Variants in AVEN observed in about 807,000 individuals in gnomAD.
The protein encoded by AVEN is apoptosis and caspase activation inhibitor.
In AVEN, 41 loss-of-function variants were observed where a neutral mutation model predicts 38.1. The ratio of observed to expected loss-of-function variants is 1.08; its 90% CI spans 0.84 to 1.40. AVEN has a LOEUF of 1.40. Among genes scored for constraint, AVEN ranks in the 40% most tolerant of loss-of-function variants. The pLI is 0.00. For missense variants in AVEN, 605 were observed against 438.8 expected, an observed-to-expected ratio of 1.38 and a Z score of -3.38; for synonymous variants, 206 against 171.8, an observed-to-expected ratio of 1.20 and a Z score of -1.56.
rs113614695 is a variant in AVEN at position 33,917,792 on chromosome 15, G to A, written c.446-41797C>T. ...TAAGTGGGAGCTAAGTTATGAGGATGCAAAGGCAGACTCAGGGGTAAGTGT... is the reference window on the plus strand; with the variant it reads ...TAAGTGGGAGCTAAGTTATGAGGATACAAAGGCAGACTCAGGGGTAAGTGT... On this transcript the variant is annotated intron_variant, in intron 2 of 5. Coordinates refer to ENST00000306730, the MANE Select transcript of AVEN (RefSeq NM_020371.3). Among the ~76,000 whole-genome samples, 572 of 152,222 alleles carry A rather than the reference G, an allele frequency of 3.8e-3. 8 individuals are homozygous for A. The highest frequency in any genetic ancestry group is 0.028 in the South Asian group (137 of 4,824).
chr15:33,962,765 G>C (rs890366228), intron 2 of AVEN, among the ~76,000 whole-genome samples: 1 of 151,778 alleles, frequency 6.6e-6, no homozygotes, highest in African/African-American at 2.4e-5. Context: ...CCACTAAAAT[G>C]TGTATGTAGC....
At chr15:33,932,834 C>CAAATAAATAAAT (rs368767063) in intron 2 of AVEN, among the ~76,000 whole-genome samples, 62,325 of 138,690 alleles carry the variant, frequency 0.45, 14,947 homozygotes, top group East Asian at 0.59. Context: ...ACAAAATAAA[C>CAAATAAATAAAT]AAACAAATAA....
rs544073406 is a variant in AVEN, at chr15:33,915,753, G to A, written c.446-39758C>T. ...GGGAGGCCTGAAACCTGAAAGCCCTGTTTGGTTTCTCAGCCAAGAGGCTGG... is the reference window on the plus strand; with the variant it reads ...GGGAGGCCTGAAACCTGAAAGCCCTATTTGGTTTCTCAGCCAAGAGGCTGG... On this transcript the variant is annotated intron_variant, in intron 2 of 5. Transcript: ENST00000306730. 1.7e-3 allele frequency among the ~76,000 whole-genome samples: 260 copies of A among 152,328 alleles called. 1 individual carries two copies. The highest frequency in any genetic ancestry group is 2.9e-3 in the Non-Finnish European group (198 of 68,030).
upstream of AVEN, among the ~76,000 whole-genome samples, chr15:34,043,311 A>T (rs185168184): frequency 9.2e-5 from 14 of 152,020 alleles, no homozygotes; most frequent in Non-Finnish European, 1.5e-5. Flanking sequence ...AGATGTTATG[A>T]TAGGACTTAG....
At chr15:34,032,823 A>C (rs1319763829) in intron 1 of AVEN, among the ~76,000 whole-genome samples, 2 of 152,168 alleles carry the variant, frequency 1.3e-5, no homozygotes, top group Non-Finnish European at 2.9e-5. Context: ...TTAAATATAG[A>C]TGTTGAGGAT....
intron 2 of AVEN, among the ~76,000 whole-genome samples, chr15:33,948,027 T>C (rs1387303450): frequency 6.6e-6 from 1 of 152,162 alleles, no homozygotes; most frequent in Non-Finnish European, 1.5e-5. Flanking sequence ...TAGATCTTCA[T>C]CTGAGACCAC....
intron 2 of AVEN, among the ~76,000 whole-genome samples, chr15:33,961,489 C>G (rs941427171): frequency 6.6e-6 from 1 of 152,054 alleles, no homozygotes; most frequent in Non-Finnish European, 1.5e-5. Flanking sequence ...GAATGCCAAC[C>G]TCTGAGATGC....
chr15:33,853,589 A>T, the AVEN span: 1 of 1,614,018 alleles, frequency 6.2e-7, no homozygotes, highest in Non-Finnish European at 8.5e-7. Context: ...TACGGAGCAG[A>T]ACGCATTGCT....
At chr15:33,932,773 C>T (rs976730634) in intron 2 of AVEN, among the ~76,000 whole-genome samples, 12 of 151,706 alleles carry the variant, frequency 7.9e-5, no homozygotes, top group Admixed American at 2.0e-4. Flanking sequence ...TGCAGTGAGC[C>T]GAGATCGTGC....
chr15:34,035,798 G>GT (rs933174144), intron 1 of AVEN, among the ~76,000 whole-genome samples: 3 of 48,562 alleles, frequency 6.2e-5, no homozygotes, highest in African/African-American at 9.9e-5. Context: ...CATTTAGTTA[G>GT]TAAGTTAGTT....
chr15:33,859,472 T>G, intron 11 of AVEN: 1 of 1,348,184 alleles, frequency 7.4e-7, no homozygotes, highest in Non-Finnish European at 1.0e-6. Flanking sequence ...CTCTCGTGGC[T>G]TAGGGCTGCC....
chr15:33,877,085 CAAAG>C (rs1440546850), intron 2 of AVEN, among the ~76,000 whole-genome samples: 2 of 152,074 alleles, frequency 1.3e-5, no homozygotes, highest in African/African-American at 4.8e-5. Flanking sequence ...CATTACTAAG[CAAAG>C]AAAGAACTTT....
intron 2 of AVEN, among the ~76,000 whole-genome samples, chr15:33,878,390 A>G (rs1840226782): frequency 6.6e-6 from 1 of 152,224 alleles, no homozygotes; most frequent in Non-Finnish European, 1.5e-5. Flanking sequence ...TAAGAGCGGC[A>G]GATGATATCT....
chr15:33,948,283 G>C lies in AVEN; in HGVS notation c.445+54749C>G, dbSNP rs1229748000. Reference sequence around the variant, plus strand: ...AGCTGATTTTTGTATTTTTAGTAGAGACGGGGTTTCACTATCTTGGCCAGG... The same window carrying C: ...AGCTGATTTTTGTATTTTTAGTAGACACGGGGTTTCACTATCTTGGCCAGG... On this transcript the variant is annotated intron_variant, in intron 2 of 5. Coordinates refer to ENST00000306730, the MANE Select transcript of AVEN (RefSeq NM_020371.3). Among the ~76,000 whole-genome samples the C allele has an allele frequency of 4.0e-5, 6 of 151,028 alleles. No homozygotes were observed. The East Asian group carries it at 1.2e-3, about 29-fold the overall frequency.
intron 2 of AVEN, among the ~76,000 whole-genome samples, chr15:33,918,924 G>GT (rs34781502): frequency 0.035 from 4,950 of 139,880 alleles, 165 homozygotes; most frequent in African/African-American, 0.074. Context: ...CTGCTTTTCT[G>GT]TTTTTTTTTT....
chr15:33,894,450 A>T (rs751760502), intron 2 of AVEN, among the ~76,000 whole-genome samples: 5 of 151,064 alleles, frequency 3.3e-5, no homozygotes, highest in Non-Finnish European at 7.4e-5. Context: ...TAATACTAAA[A>T]ATGTAACTAA....
At chr15:33,974,875 G>A (rs1198013600) in intron 2 of AVEN, among the ~76,000 whole-genome samples, 1 of 152,138 alleles carries the variant, frequency 6.6e-6, no homozygotes, top group Non-Finnish European at 1.5e-5. Context: ...TGGAGGCTGG[G>A]GCCGGAGAAT....
At position 33,866,311 on chromosome 15, in the gene AVEN, C is replaced by CTGTAAACACTGGCTATGT. The variant is rs1388507600; in HGVS notation, c.*284_*301dup. 3 of 380,904 alleles carry CTGTAAACACTGGCTATGT rather than the reference C, an allele frequency of 7.9e-6. No homozygotes were observed. Among genetic ancestry groups the CTGTAAACACTGGCTATGT allele is most frequent in the South Asian group, 5.0e-5 (1 of 20,194 alleles). 23.6% of individuals were successfully genotyped at this position (380,904 alleles called of 1,614,324 possible). A position where few individuals can be genotyped will look rare whatever the true frequency, so the allele number is the denominator to read the frequency against. ...TTAATCAGCAGCAGCATCTGCTATG[C>CTGTAAACACTGGCTATGT]TGTAAACACTGGCTATGTTGTAAAC... On this transcript the variant is annotated 3_prime_UTR_variant, in exon 6 of 6. Transcript: ENST00000306730.
Position 33,878,387 on chromosome 15 carries a change from G to A in AVEN, c.446-2392C>T, listed in dbSNP as rs116124432. On this transcript the variant is annotated intron_variant, in intron 2 of 5. Transcript: ENST00000306730. The stretch of plus-strand genomic sequence containing the variant: ...ATGGAAACTTAGATATCGTAAGAGC[G>A]GCAGATGATATCTGTGCAGAAATCA... Among the ~76,000 whole-genome samples, 383 of 152,224 alleles carry A rather than the reference G, an allele frequency of 2.5e-3. 5 individuals are homozygous for A. Among genetic ancestry groups the A allele is most frequent in the African/African-American group, 8.3e-3 (346 of 41,544 alleles).
Sources: allele counts gnomAD v4.1 joint callset (sites outside exome capture counted in the v4.1 genomes callset), GRCh38; gene constraint gnomAD v4.1.1; transcripts MANE v1.5; gene names NCBI Gene and HGNC (gene_info 2026-07-23, HGNC 2026-07-21).